The following FGF7 variants were observed in gnomAD, a reference collection of about 807,000 sequenced individuals.
FGF7 encodes FGF-7.
A neutral mutation model predicts 20.5 loss-of-function variants in FGF7; 6 were observed. That is an observed-to-expected ratio of 0.29 (90% CI 0.16 to 0.58). The LOEUF is 0.58. Among genes scored for constraint, FGF7 ranks in the 20% least tolerant of loss-of-function variants. FGF7 has a pLI of 0.90. For missense variants in FGF7, 144 were observed against 228.8 expected (o/e 0.63, Z 2.39); for synonymous variants, 64 against 74.7 (o/e 0.86, Z 0.74).
intron 2 of FGF7, among the ~76,000 whole-genome samples, chr15:49,473,770 T>C (rs2055001416): frequency 1.3e-5 from 2 of 152,130 alleles, no homozygotes; most frequent in African/African-American, 4.8e-5. Context: ...ATTCCAAAAC[T>C]AGATTTTGTC....
intron 2 of FGF7, among the ~76,000 whole-genome samples, chr15:49,471,478 A>C (rs2054746923): frequency 7.7e-6 from 1 of 129,044 alleles, no homozygotes; most frequent in Admixed American, 8.6e-5. Flanking sequence ...GTGAGACTCT[A>C]TCTCAAAATA....
At chr15:49,472,184 G>T (rs1426201613) in intron 2 of FGF7, among the ~76,000 whole-genome samples, 2 of 152,132 alleles carry the variant, frequency 1.3e-5, no homozygotes, top group Non-Finnish European at 2.9e-5. Context: ...TGAAATTGGG[G>T]TGCATTAGTT....
At chr15:49,448,405 T>A (rs1479314855) in intron 2 of FGF7, among the ~76,000 whole-genome samples, 1 of 151,632 alleles carries the variant, frequency 6.6e-6, no homozygotes, top group Non-Finnish European at 1.5e-5. Context: ...CTAACCACAA[T>A]ATAGAACTGA....
intron 1 of FGF7, among the ~76,000 whole-genome samples, chr15:49,423,820 TG>T (rs202011005): frequency 0.014 from 2,095 of 152,248 alleles, 27 homozygotes; most frequent in Non-Finnish European, 0.019. Flanking sequence ...AGTCATATTC[TG>T]TTTTGTCTCT....
At position 49,452,636 on chromosome 15, in the gene FGF7, C is replaced by A. The variant is rs150458776; in HGVS notation, c.286+28053C>A. ...GTCTTTAGGAAATATAATGAAGATA[C>A]CTTAGTTTGGGTTCAAATCTGAGAT... On this transcript the variant is annotated intron_variant, in intron 2 of 3. Transcript: ENST00000267843. Among the ~76,000 whole-genome samples, 75 of 152,076 alleles carry A rather than the reference C, an allele frequency of 4.9e-4. No homozygotes were observed. The East Asian group carries it at 0.014, about 27-fold the overall frequency.
chr15:49,441,080 A>C (rs934663803), intron 2 of FGF7, among the ~76,000 whole-genome samples: 3 of 151,772 alleles, frequency 2.0e-5, no homozygotes, highest in Non-Finnish European at 2.9e-5. Flanking sequence ...TTTAAAATGA[A>C]TGAGTAAATA....
chr15:49,458,916 C>T (rs1353205674), intron 2 of FGF7, among the ~76,000 whole-genome samples: 3 of 151,968 alleles, frequency 2.0e-5, no homozygotes, highest in South Asian at 2.1e-4. Flanking sequence ...TTATTTTTTA[C>T]GAGACTAGTT....
chr15:49,442,508 A>T (rs1445514551), intron 2 of FGF7, among the ~76,000 whole-genome samples: 2 of 151,670 alleles, frequency 1.3e-5, no homozygotes, highest in African/African-American at 4.8e-5. Flanking sequence ...CAGGAGTTGG[A>T]AGTATTATAG....
chr15:49,479,292 TG>T (rs2055663708), intron 2 of FGF7, among the ~76,000 whole-genome samples: 1 of 152,176 alleles, frequency 6.6e-6, no homozygotes, highest in South Asian at 2.1e-4. Context: ...TATGCTATCA[TG>T]GACATTATGT....
chr15:49,472,159 G>A (rs568715723), intron 2 of FGF7, among the ~76,000 whole-genome samples: 2 of 152,054 alleles, frequency 1.3e-5, no homozygotes, highest in Non-Finnish European at 1.5e-5. Flanking sequence ...TATGAAGAAC[G>A]CATTTGAAGT....
intron 2 of FGF7, among the ~76,000 whole-genome samples, chr15:49,465,188 A>G (rs2413947): frequency 0.71 from 107,292 of 151,910 alleles, 38,155 homozygotes; most frequent in East Asian, 0.93. Context: ...AGAGTGCAGT[A>G]ACACGATCTC....
chr15:49,483,073 A>G, intron 2 of FGF7, 78 bp from the exon 3 acceptor site: 1 of 830,756 alleles, frequency 1.2e-6, no homozygotes. Context: ...TAAAACAGAA[A>G]TAAGAACAAA....
At chr15:49,425,981 C>T (rs2151757108) in intron 2 of FGF7, among the ~76,000 whole-genome samples, 1 of 151,316 alleles carries the variant, frequency 6.6e-6, no homozygotes, top group Admixed American at 6.6e-5. Flanking sequence ...TTAAAAGTTG[C>T]TCAGATTTAT....
chr15:49,452,416 C>G (rs2052840718), intron 2 of FGF7, among the ~76,000 whole-genome samples: 3 of 152,172 alleles, frequency 2.0e-5, no homozygotes, highest in Non-Finnish European at 4.4e-5. Context: ...AAAATGAACC[C>G]TTGTTAACAT....
chr15:49,459,919 C>T (rs952472917), intron 2 of FGF7, among the ~76,000 whole-genome samples: 2 of 152,180 alleles, frequency 1.3e-5, no homozygotes, highest in Non-Finnish European at 1.5e-5. Context: ...AAATGCCACA[C>T]ATTAGAGACA....
chr15:49,468,678 G>A (rs1438976914), intron 2 of FGF7, among the ~76,000 whole-genome samples: 2 of 152,154 alleles, frequency 1.3e-5, no homozygotes, highest in Non-Finnish European at 2.9e-5. Context: ...CCCCTTCAAA[G>A]TGAAAGTCAA....
chr15:49,426,014 A>G (rs1228189197), intron 2 of FGF7, among the ~76,000 whole-genome samples: 1 of 151,460 alleles, frequency 6.6e-6, no homozygotes, highest in Admixed American at 6.6e-5. Flanking sequence ...CATGGATATA[A>G]TAACAATATT....
At chr15:49,452,456 G>A (rs1265599035) in intron 2 of FGF7, among the ~76,000 whole-genome samples, 3 of 152,148 alleles carry the variant, frequency 2.0e-5, no homozygotes, top group African/African-American at 7.2e-5. Flanking sequence ...GGGAAAAAAT[G>A]TTTGGTAAAC....
At chr15:49,436,600 T>C (rs1458032955) in intron 2 of FGF7, among the ~76,000 whole-genome samples, 1 of 151,584 alleles carries the variant, frequency 6.6e-6, no homozygotes, top group Non-Finnish European at 1.5e-5. Context: ...ATATACATTA[T>C]TTAATTTAAT....
Sources: allele counts gnomAD v4.1 joint callset (sites outside exome capture counted in the v4.1 genomes callset), GRCh38; gene constraint gnomAD v4.1.1; transcripts MANE v1.5; gene names NCBI Gene and HGNC (gene_info 2026-07-23, HGNC 2026-07-21).